The following SGCZ variants were observed in gnomAD, a reference collection of about 807,000 sequenced individuals.
SGCZ encodes the protein sarcoglycan zeta, also known as zeta-sarcoglycan.
A neutral mutation model predicts 41.3 loss-of-function variants in SGCZ; 40 were observed. That is an observed-to-expected ratio of 0.97 (90% CI 0.75 to 1.26). The LOEUF is 1.26. SGCZ is among the 50% of genes most tolerant of loss of function. SGCZ has a pLI of 0.00. For missense variants in SGCZ, 552 were observed against 369.8 expected (o/e 1.49, Z -4.04); for synonymous variants, 206 against 137.5 (o/e 1.50, Z -3.49).
At chr8:14,516,602 C>A (rs1021240226) in intron 2 of SGCZ, among the ~76,000 whole-genome samples, 2 of 152,030 alleles carry the variant, frequency 1.3e-5, no homozygotes, top group Non-Finnish European at 2.9e-5. Context: ...TTTAAGGAAG[C>A]TGTGAATCTA....
At chr8:14,322,354 T>C (rs1423648928) in intron 3 of SGCZ, among the ~76,000 whole-genome samples, 1 of 152,002 alleles carries the variant, frequency 6.6e-6, no homozygotes, top group Non-Finnish European at 1.5e-5. Context: ...CAGTAGGTTT[T>C]GGAAATGCTT....
intron 1 of SGCZ, among the ~76,000 whole-genome samples, chr8:15,047,049 G>A (rs1400896181): frequency 6.6e-6 from 1 of 151,956 alleles, no homozygotes; most frequent in African/African-American, 2.4e-5. Flanking sequence ...AATGTACTCT[G>A]TCCTTTGATA....
intron 1 of SGCZ, among the ~76,000 whole-genome samples, chr8:15,185,773 A>G (rs1299433850): frequency 6.6e-6 from 1 of 152,166 alleles, no homozygotes; most frequent in Admixed American, 6.5e-5. Flanking sequence ...AGTAATCTAA[A>G]GCCTCAAGAT....
At chr8:15,216,457 T>C (rs1477104324) in intron 1 of SGCZ, among the ~76,000 whole-genome samples, 1 of 151,972 alleles carries the variant, frequency 6.6e-6, no homozygotes, top group Non-Finnish European at 1.5e-5. Flanking sequence ...CCTGACCTCA[T>C]GATCTGCCCA....
Position 14,784,913 on chromosome 8 carries a change from A to ATATATATAT in SGCZ, c.40-229988_40-229987insATATATATA, listed in dbSNP as rs1554499019. ...GTGAAACTCTGCCTCAAAAAAAAAA[A>ATATATATAT]ATATATATATATATATATATAAAAT... On this transcript the variant is annotated intron_variant, in intron 1 of 7. Coordinates refer to ENST00000382080, the MANE Select transcript of SGCZ (RefSeq NM_139167.4). 3.4e-5 allele frequency among the ~76,000 whole-genome samples: 3 copies of ATATATATAT among 88,036 alleles called. No individual in the cohort carries two copies. The Admixed American group carries it at 4.4e-4, about 13-fold the overall frequency. The allele number at this position is 88,036 out of a possible 152,430, so 57.8% of individuals were successfully genotyped here. A position where few individuals can be genotyped will look rare whatever the true frequency, so the allele number is the denominator to read the frequency against.
At chr8:14,182,561 A>G (rs984696049) in intron 4 of SGCZ, among the ~76,000 whole-genome samples, 7 of 152,178 alleles carry the variant, frequency 4.6e-5, no homozygotes, top group Non-Finnish European at 1.0e-4. Flanking sequence ...CTCAATCTGC[A>G]GAAGGGAAGA....
intron 1 of SGCZ, among the ~76,000 whole-genome samples, chr8:14,679,261 T>C (rs1220584530): frequency 6.6e-6 from 1 of 152,124 alleles, no homozygotes; most frequent in Non-Finnish European, 1.5e-5. Flanking sequence ...TAGAGTGTGC[T>C]TCTTTTGCAT....
intron 1 of SGCZ, among the ~76,000 whole-genome samples, chr8:14,923,302 A>T (rs1799645294): frequency 6.6e-6 from 1 of 152,172 alleles, no homozygotes. Flanking sequence ...TTCTAATAAG[A>T]TGGAAATTTT....
chr8:14,577,660 T>C (rs1804756159), intron 1 of SGCZ, among the ~76,000 whole-genome samples: 2 of 152,154 alleles, frequency 1.3e-5, no homozygotes, highest in Admixed American at 1.3e-4. Flanking sequence ...AGTGCTGGGA[T>C]TACAGCCGTG....
At chr8:14,718,989 G>A (rs1338296360) in intron 1 of SGCZ, among the ~76,000 whole-genome samples, 3 of 140,238 alleles carry the variant, frequency 2.1e-5, no homozygotes, top group South Asian at 2.5e-4. Flanking sequence ...ATCTTCCAAA[G>A]CTATCCCTCC....
chr8:14,379,688 G>T (rs994148899), intron 2 of SGCZ, among the ~76,000 whole-genome samples: 35 of 152,104 alleles, frequency 2.3e-4, no homozygotes, highest in African/African-American at 7.7e-4. Flanking sequence ...TACAAGGATT[G>T]CAGGATGGGA....
intron 1 of SGCZ, among the ~76,000 whole-genome samples, chr8:15,163,201 A>G (rs1266564447): frequency 6.6e-6 from 1 of 152,220 alleles, no homozygotes; most frequent in Non-Finnish European, 1.5e-5. Context: ...TTATACTTAT[A>G]TAACATTTAT....
intron 2 of SGCZ, among the ~76,000 whole-genome samples, chr8:14,478,127 G>C (rs1280807741): frequency 1.3e-5 from 2 of 152,242 alleles, no homozygotes; most frequent in Non-Finnish European, 2.9e-5. Flanking sequence ...TTGGAAGACA[G>C]TTTGGCAGCA....
chr8:14,949,393 A>G (rs1238435781), intron 1 of SGCZ, among the ~76,000 whole-genome samples: 3 of 152,148 alleles, frequency 2.0e-5, no homozygotes, highest in Non-Finnish European at 4.4e-5. Flanking sequence ...ATATGTACCT[A>G]TTCCTTTAAA....
intron 1 of SGCZ, among the ~76,000 whole-genome samples, chr8:15,172,820 C>T (rs1196589264): frequency 2.6e-5 from 4 of 152,092 alleles, no homozygotes. Context: ...ATACCACAAA[C>T]AAGATTTTAC....
intron 3 of SGCZ, among the ~76,000 whole-genome samples, chr8:14,317,916 C>T (rs895543131): frequency 4.0e-5 from 6 of 151,242 alleles, no homozygotes; most frequent in Admixed American, 1.3e-4. Context: ...ACAAAATGCA[C>T]GATAGGCAAA....
At chr8:14,340,344 T>C (rs933402273) in intron 2 of SGCZ, among the ~76,000 whole-genome samples, 1 of 152,150 alleles carries the variant, frequency 6.6e-6, no homozygotes, top group Admixed American at 6.5e-5. Context: ...TATGATCCAA[T>C]TACAGCAACA....
intron 2 of SGCZ, among the ~76,000 whole-genome samples, chr8:14,362,685 C>T (rs1803569332): frequency 6.6e-6 from 1 of 152,136 alleles, no homozygotes; most frequent in South Asian, 2.1e-4. Flanking sequence ...CTTTGGCTCA[C>T]CCTCTGCGGG....
At chr8:14,380,971 T>C (rs574378080) in intron 2 of SGCZ, among the ~76,000 whole-genome samples, 2 of 152,332 alleles carry the variant, frequency 1.3e-5, no homozygotes, top group East Asian at 1.9e-4. Flanking sequence ...ACACTATGCG[T>C]ATTCCTAATC....
Sources: allele counts gnomAD v4.1 joint callset (sites outside exome capture counted in the v4.1 genomes callset), GRCh38; gene constraint gnomAD v4.1.1; transcripts MANE v1.5; gene names NCBI Gene and HGNC (gene_info 2026-07-23, HGNC 2026-07-21).